PRR16: variants seen among roughly 807,000 people sequenced by gnomAD.
PRR16 encodes protein Largen.
In PRR16, 6 loss-of-function variants were observed where a neutral mutation model predicts 18.2. That is an observed-to-expected ratio of 0.33 (90% CI 0.18 to 0.65). The LOEUF is 0.65. Among genes scored for constraint, PRR16 ranks in the 30% least tolerant of loss-of-function variants. PRR16 has a pLI of 0.74. For synonymous variants in PRR16, 151 were observed against 147.8 expected (o/e 1.02, Z -0.16); for missense variants, 412 against 376.6 (o/e 1.09, Z -0.78).
At chr5:120,481,367 G>T (rs905026434) in intron 1 of PRR16, 2 of 342,704 alleles carry the variant, frequency 5.8e-6, no homozygotes, top group Non-Finnish European at 1.2e-5. Context: ...TTGAGCTCAG[G>T]TGATCTGTCT....
intron 1 of PRR16, among the ~76,000 whole-genome samples, chr5:120,632,716 A>G (rs1156858559): frequency 6.6e-6 from 1 of 152,190 alleles, no homozygotes; most frequent in Non-Finnish European, 1.5e-5. Flanking sequence ...CAAAGCCTCC[A>G]AGAAGTTTGG....
In PRR16 at chr5:120,534,205, A is replaced by G. The variant is rs543520116; in HGVS notation, c.159+69560A>G. ...ATTGGCAAATGGATACTCTTTATTT[A>G]AAGCCATAAAACTAATGAGATCACT... On this transcript the variant is annotated intron_variant, in intron 1 of 1. Coordinates refer to ENST00000407149, the MANE Select transcript of PRR16 (RefSeq NM_001300783.2). Among the ~76,000 whole-genome samples, 419 of 152,356 alleles carry G rather than the reference A, an allele frequency of 2.8e-3. 1 individual carries two copies. Among genetic ancestry groups the G allele is most frequent in the Non-Finnish European group, 4.0e-3 (273 of 68,036 alleles).
chr5:120,607,052 C>G (rs527897782), intron 1 of PRR16, among the ~76,000 whole-genome samples: 1 of 152,194 alleles, frequency 6.6e-6, no homozygotes, highest in South Asian at 2.1e-4. Context: ...TCATTTTATT[C>G]TATTAGATTG....
intron 1 of PRR16, among the ~76,000 whole-genome samples, chr5:120,496,493 A>T (rs998656138): frequency 6.6e-6 from 1 of 152,076 alleles, no homozygotes; most frequent in Non-Finnish European, 1.5e-5. Flanking sequence ...TTATGTTTGT[A>T]GAGTTGTTTT....
At chr5:120,623,354 C>T (rs1408327680) in intron 1 of PRR16, among the ~76,000 whole-genome samples, 1 of 152,076 alleles carries the variant, frequency 6.6e-6, no homozygotes, top group African/African-American at 2.4e-5. Flanking sequence ...CAGGATTCTA[C>T]CTATATAAAT....
At chr5:120,725,095 G>A in the PRR16 span, among the ~76,000 whole-genome samples, 1 of 151,998 alleles carries the variant, frequency 6.6e-6, no homozygotes, top group African/African-American at 2.4e-5. Flanking sequence ...TCTGGAGGAA[G>A]AGTATTTCCA....
At chr5:120,703,810 A>C in the PRR16 span, among the ~76,000 whole-genome samples, 2 of 152,212 alleles carry the variant, frequency 1.3e-5, no homozygotes, top group Non-Finnish European at 2.9e-5. Flanking sequence ...GTTAGTCCTC[A>C]TAGATTTCCT....
the PRR16 span, among the ~76,000 whole-genome samples, chr5:120,769,066 G>A: frequency 6.8e-6 from 1 of 146,862 alleles, no homozygotes; most frequent in East Asian, 2.1e-4. Context: ...CTCAAATTAA[G>A]ATACCTCATG....
At chr5:120,538,822 T>C (rs1751814147) in intron 1 of PRR16, among the ~76,000 whole-genome samples, 1 of 152,216 alleles carries the variant, frequency 6.6e-6, no homozygotes, top group East Asian at 1.9e-4. Context: ...CCAGTAGTTA[T>C]AGTTGGGCCT....
chr5:120,483,778 T>C (rs2112813936), intron 1 of PRR16, among the ~76,000 whole-genome samples: 1 of 152,232 alleles, frequency 6.6e-6, no homozygotes, highest in South Asian at 2.1e-4. Flanking sequence ...GAATATAAAT[T>C]TCTGAATATC....
chr5:120,763,645 G>C, the PRR16 span, among the ~76,000 whole-genome samples: 3 of 151,982 alleles, frequency 2.0e-5, no homozygotes, highest in Admixed American at 6.6e-5. Flanking sequence ...GCTTTGAATA[G>C]TATGGTCGTT....
chr5:120,792,760 G>A, the PRR16 span, among the ~76,000 whole-genome samples: 1 of 152,096 alleles, frequency 6.6e-6, no homozygotes, highest in Non-Finnish European at 1.5e-5. Flanking sequence ...AAAATACATA[G>A]ACTATTTTAA....
chr5:120,791,581 TATCA>T, the PRR16 span, among the ~76,000 whole-genome samples: 9 of 115,246 alleles, frequency 7.8e-5, no homozygotes, highest in Admixed American at 9.2e-4. Flanking sequence ...TAAGAACTTC[TATCA>T]TCTATCTATC....
At chr5:120,763,251 A>T in the PRR16 span, among the ~76,000 whole-genome samples, 1 of 152,004 alleles carries the variant, frequency 6.6e-6, no homozygotes, top group East Asian at 1.9e-4. Context: ...GGTTCAAGCA[A>T]TTCTGCCTCA....
chr5:120,788,728 ATTTCTT>A, the PRR16 span, among the ~76,000 whole-genome samples: 8 of 151,976 alleles, frequency 5.3e-5, no homozygotes, highest in Non-Finnish European at 1.0e-4. Flanking sequence ...GTTTTTTACT[ATTTCTT>A]TATCTTTCAT....
chr5:120,549,191 G>C, intron 1 of PRR16, among the ~76,000 whole-genome samples: 1 of 151,994 alleles, frequency 6.6e-6, no homozygotes, highest in Admixed American at 6.6e-5. Flanking sequence ...TACTTCCTGG[G>C]TTCAAGTGAT....
chr5:120,696,837 C>G, the PRR16 span, among the ~76,000 whole-genome samples: 1 of 152,090 alleles, frequency 6.6e-6, no homozygotes, highest in African/African-American at 2.4e-5. Flanking sequence ...TTAAATAGCT[C>G]AATGTAGCCA....
the PRR16 span, among the ~76,000 whole-genome samples, chr5:120,700,856 A>T: frequency 0.018 from 2,760 of 152,284 alleles, 82 homozygotes; most frequent in Admixed American, 0.074. Context: ...GTCAGTCTTC[A>T]GCCGCTAAGC....
intron 1 of PRR16, among the ~76,000 whole-genome samples, chr5:120,629,584 C>T (rs1754987472): frequency 6.6e-6 from 1 of 152,122 alleles, no homozygotes; most frequent in African/African-American, 2.4e-5. Flanking sequence ...TTAACCATTA[C>T]TAGAGTTGTT....
Sources: allele counts gnomAD v4.1 joint callset (sites outside exome capture counted in the v4.1 genomes callset), GRCh38; gene constraint gnomAD v4.1.1; transcripts MANE v1.5; gene names NCBI Gene and HGNC (gene_info 2026-07-23, HGNC 2026-07-21).